The following PDXDC1 variants were observed in gnomAD, a reference collection of about 807,000 sequenced individuals.
The protein encoded by PDXDC1 is pyridoxal-dependent decarboxylase domain-containing protein 1.
PDXDC1 carries 42 observed loss-of-function variants against 100.1 expected under a neutral mutation model. The ratio of observed to expected loss-of-function variants is 0.42; its 90% CI spans 0.33 to 0.54. The LOEUF (loss-of-function observed/expected upper bound fraction) is 0.54, where lower values mean the gene tolerates loss of function less well. Among genes scored for constraint, PDXDC1 ranks in the 20% least tolerant of loss-of-function variants. The pLI, the probability that PDXDC1 is intolerant of heterozygous loss-of-function variation, is 0.10. For missense variants in PDXDC1, 636 were observed against 979.2 expected, an observed-to-expected ratio of 0.65 and a Z score of 4.68; for synonymous variants, 260 against 371.7, an observed-to-expected ratio of 0.70 and a Z score of 3.46.
chr16:15,088,578 A>C (rs1296980936), intron 16 of PDXDC1, among the ~76,000 whole-genome samples: 23 of 152,184 alleles, frequency 1.5e-4, no homozygotes, highest in East Asian at 1.9e-4. Flanking sequence ...GAACACAAAG[A>C]AAATGTCCCT....
chr16:15,099,753 T>A (rs2046478098), intron 16 of PDXDC1, among the ~76,000 whole-genome samples: 1 of 152,210 alleles, frequency 6.6e-6, no homozygotes, highest in African/African-American at 2.4e-5. Flanking sequence ...AGTAATATAT[T>A]GTTTGTAATA....
In PDXDC1 at chr16:15,070,297, A is replaced by T. The variant is rs776105180; in HGVS notation, c.1399+40241A>T. ...TCAAGTCAACTTTACACATCATAAAAAAACCAGAATAACATAAAAACACAC... is the reference window on the plus strand; with the variant it reads ...TCAAGTCAACTTTACACATCATAAATAAACCAGAATAACATAAAAACACAC... On this transcript the variant is annotated intron_variant, in intron 16 of 16. Coordinates refer to the PDXDC1 transcript ENST00000535621. 2.5e-6 allele frequency: 4 copies of T among 1,606,262 alleles called. No homozygotes were observed. In the South Asian group the frequency reaches 3.3e-5, roughly 13 times the overall value.
chr16:15,001,857 G>C lies in PDXDC1; in HGVS notation c.242+1G>C, dbSNP rs752162720. 3.1e-6 allele frequency: 5 copies of C among 1,602,844 alleles called. No individual in the cohort carries two copies. Among genetic ancestry groups the C allele is most frequent in the Non-Finnish European group, 4.2e-6 (5 of 1,177,050 alleles). ...AAGATGAGGAGCCCCAGAGCCCCAG[G>C]TAATGAACCTGGCAGCTTCTCTTTT... On this transcript the variant is annotated splice_donor_variant, in intron 4 of 22. Transcript: ENST00000396410. LOFTEE classifies it high-confidence loss of function.
rs766853196 is a variant in PDXDC1, at chr16:15,035,563, G to T, written c.2107+10G>T. On this transcript the variant is annotated intron_variant, in intron 22 of 22. Transcript: ENST00000396410. The stretch of plus-strand genomic sequence containing the variant: ...AAGCAGAGGCTTCCAGGTAAGTGAC[G>T]CCTCTGCACCGAGTTCAGGTAACAG... 2 of 1,547,872 alleles carry T rather than the reference G, an allele frequency of 1.3e-6. No homozygotes were observed. Among genetic ancestry groups the T allele is most frequent in the Non-Finnish European group, 1.8e-6 (2 of 1,128,554 alleles).
intron 16 of PDXDC1, among the ~76,000 whole-genome samples, chr16:15,093,084 A>C (rs2046201870): frequency 6.6e-6 from 1 of 151,782 alleles, no homozygotes; most frequent in African/African-American, 2.4e-5. Context: ...GCTTAACTGC[A>C]ACCTCCATCT....
chr16:15,130,569 G>A (rs2057320049), intron 16 of PDXDC1: 4 of 1,379,564 alleles, frequency 2.9e-6, no homozygotes, highest in Admixed American at 3.4e-5. Flanking sequence ...CACAGGGCCT[G>A]TAACCCGGGC....
intron 12 of PDXDC1, among the ~76,000 whole-genome samples, chr16:15,021,082 TA>T (rs1364043211): frequency 6.6e-6 from 1 of 151,596 alleles, no homozygotes; most frequent in Non-Finnish European, 1.5e-5. Context: ...TCAACAGTTT[TA>T]AGTATGCTCT....
intron 16 of PDXDC1, among the ~76,000 whole-genome samples, chr16:15,096,809 G>A (rs1467420209): frequency 6.6e-6 from 1 of 152,094 alleles, no homozygotes; most frequent in African/African-American, 2.4e-5. Context: ...TCAGCCGCCC[G>A]AACCCACACC....
downstream of PDXDC1, among the ~76,000 whole-genome samples, chr16:15,142,478 G>A (rs2048490276): frequency 6.6e-6 from 1 of 151,954 alleles, no homozygotes; most frequent in Non-Finnish European, 1.5e-5. Context: ...TGAAGCTGGG[G>A]CCCAGACAGG....
intron 16 of PDXDC1, chr16:15,126,043 T>A: frequency 1.7e-6 from 1 of 578,182 alleles, no homozygotes; most frequent in African/African-American, 1.9e-5. Context: ...AATTTCATTT[T>A]TTTTTTTCTT....
chr16:15,033,274 G>C lies in PDXDC1; in HGVS notation c.1691-4G>C. ...AACTCAAGTTTGTCTCGTTACCTTT[G>C]CAGGCCCTGAGTATAAGAGCATGAA... On this transcript the variant is annotated splice_region_variant and splice_polypyrimidine_tract_variant and intron_variant, in intron 18 of 22. Transcript: ENST00000396410. 6.2e-7 allele frequency: 1 copy of C among 1,614,118 alleles called. No homozygotes were observed. The highest frequency in any genetic ancestry group is 8.5e-7 in the Non-Finnish European group (1 of 1,179,978).
intron 16 of PDXDC1, among the ~76,000 whole-genome samples, chr16:15,106,499 T>C (rs2046803734): frequency 6.7e-6 from 1 of 150,056 alleles, no homozygotes; most frequent in Admixed American, 6.7e-5. Flanking sequence ...CTGATGCCTG[T>C]AATCCCAGCA....
intron 1 of PDXDC1, chr16:14,988,199 G>A: frequency 6.2e-7 from 1 of 1,610,368 alleles, no homozygotes; most frequent in African/African-American, 1.3e-5. Context: ...CCTGGCAGTG[G>A]GACTTTCAGT....
At chr16:15,046,846 G>C (rs113133653) in intron 16 of PDXDC1, among the ~76,000 whole-genome samples, 48 of 151,988 alleles carry the variant, frequency 3.2e-4, no homozygotes, top group Admixed American at 7.2e-4. Context: ...CTGTGCTCCA[G>C]ACAGGGCGAC....
At chr16:15,150,085 C>G in the PDXDC1 span, among the ~76,000 whole-genome samples, 1 of 152,178 alleles carries the variant, frequency 6.6e-6, no homozygotes, top group Admixed American at 6.5e-5. Context: ...TGGCTCAAGC[C>G]TGTAATCCCA....
chr16:15,007,849 T>C (rs569313994), intron 6 of PDXDC1, among the ~76,000 whole-genome samples: 1 of 152,390 alleles, frequency 6.6e-6, no homozygotes, highest in East Asian at 1.9e-4. Flanking sequence ...TGTGTAAGAG[T>C]GTTCTGTTGG....
At chr16:15,021,847 C>T (rs1327675440) in intron 12 of PDXDC1, among the ~76,000 whole-genome samples, 33 of 152,288 alleles carry the variant, frequency 2.2e-4, no homozygotes, top group African/African-American at 8.0e-4. Context: ...TCTTCTCCCT[C>T]TCTTCTTTCT....
At chr16:15,028,406 C>G (rs1440990481) in intron 14 of PDXDC1, among the ~76,000 whole-genome samples, 2 of 152,292 alleles carry the variant, frequency 1.3e-5, no homozygotes, top group Admixed American at 1.3e-4. Context: ...CTAACAACCA[C>G]ATGGAGTGAT....
At chr16:14,990,162 G>A (rs1337285565) in intron 1 of PDXDC1, 8 of 1,365,866 alleles carry the variant, frequency 5.9e-6, no homozygotes, top group Admixed American at 3.1e-5. Context: ...TAGCCACATC[G>A]GGCCGCCAGG....
Sources: allele counts gnomAD v4.1 joint callset (sites outside exome capture counted in the v4.1 genomes callset), GRCh38; gene constraint gnomAD v4.1.1; transcripts MANE v1.5; gene names NCBI Gene and HGNC (gene_info 2026-07-23, HGNC 2026-07-21).